The following PAX3 variants were observed in gnomAD, a reference collection of about 807,000 sequenced individuals.
The protein encoded by PAX3 is paired box protein Pax-3.
Under a neutral mutation model 51.6 loss-of-function variants are expected in PAX3, and 14 were observed. The observed-to-expected ratio is 0.27, with a 90% CI of 0.18 to 0.42. The LOEUF (loss-of-function observed/expected upper bound fraction) is 0.42, where lower values mean the gene tolerates loss of function less well. Ranked by LOEUF, PAX3 falls within the 10% of genes least tolerant of loss-of-function variation. The pLI is 1.00. For missense variants in PAX3, 540 were observed against 642.8 expected, an observed-to-expected ratio of 0.84 and a Z score of 1.73; for synonymous variants, 280 against 253.4, an observed-to-expected ratio of 1.11 and a Z score of -1.00.
chr2:222,220,207 C>T lies in PAX3; in HGVS notation c.1106G>A (p.Ser369Asn), dbSNP rs1692134512. The T allele has an allele frequency of 1.2e-6, 2 of 1,613,918 alleles. No individual in the cohort carries two copies. The highest frequency in any genetic ancestry group is 4.5e-5 in the East Asian group (2 of 44,798). The change falls in exon 7 of 9, where the codon AGC becomes AAC. Residue 369 changes from serine (S) to asparagine (N), a missense_variant. Around this residue, in one of 3 missense-constraint regions of PAX3, gnomAD observed 427 missense variants for 483.6 expected, o/e 0.88. Transcript: ENST00000392070. ...GGAGGGCCCCGACGGAGGCACAAAG[C>T]TGTCTGTATAGCTGGAAAATCCATG... ...TRHGFSSYTD[S>N]FVPPSGPSNP...
intron 7 of PAX3, among the ~76,000 whole-genome samples, chr2:222,203,056 T>TATATATATATA (rs3997677): frequency 1.7e-5 from 2 of 114,820 alleles, no homozygotes; most frequent in Non-Finnish European, 3.7e-5. Context: ...TATATATATA[T>TATATATATATA]GAAGTGTTAA....
chr2:222,260,100 C>T (rs1693783802), intron 4 of PAX3, among the ~76,000 whole-genome samples: 1 of 152,126 alleles, frequency 6.6e-6, no homozygotes, highest in Admixed American at 6.5e-5. Flanking sequence ...GCCTGGAACT[C>T]CTGGCCTCAG....
chr2:222,258,270 T>C (rs1000223924), intron 4 of PAX3, among the ~76,000 whole-genome samples: 5 of 151,166 alleles, frequency 3.3e-5, no homozygotes. Context: ...ATCTGCATAG[T>C]GGGAATAATA....
intron 4 of PAX3, chr2:222,293,705 AC>A: frequency 6.2e-7 from 1 of 1,602,578 alleles, no homozygotes; most frequent in Non-Finnish European, 8.5e-7. Context: ...CCAAAAGAGT[AC>A]TCTCTCTCTC....
intron 5 of PAX3, 39 bp downstream of exon 5, chr2:222,232,039 C>A (rs998291504): frequency 6.3e-7 from 1 of 1,582,164 alleles, no homozygotes; most frequent in Non-Finnish European, 8.7e-7. Context: ...TGTTTCCTGT[C>A]TGGACTGAAG....
At chr2:222,252,744 G>A (rs956911592) in intron 4 of PAX3, among the ~76,000 whole-genome samples, 1 of 152,058 alleles carries the variant, frequency 6.6e-6, no homozygotes, top group African/African-American at 2.4e-5. Flanking sequence ...TCTCTGTGAT[G>A]TTACTCAACC....
chr2:222,246,283 T>C (rs766482045), intron 4 of PAX3, among the ~76,000 whole-genome samples: 1 of 152,162 alleles, frequency 6.6e-6, no homozygotes, highest in Admixed American at 6.5e-5. Flanking sequence ...TGGTTTTAAC[T>C]GGAAATCATC....
intron 4 of PAX3, among the ~76,000 whole-genome samples, chr2:222,266,315 T>C (rs2106152733): frequency 6.6e-6 from 1 of 152,252 alleles, no homozygotes; most frequent in East Asian, 1.9e-4. Flanking sequence ...GCCCTACAAA[T>C]AAGATTAACA....
chr2:222,244,734 C>CAAAAAAAAAAAAAAAAAAAAAA (rs35127003), intron 4 of PAX3, among the ~76,000 whole-genome samples: 1 of 109,718 alleles, frequency 9.1e-6, no homozygotes, highest in Admixed American at 9.1e-5. Flanking sequence ...TATTGTTCAC[C>CAAAAAAAAAAAAAAAAAAAAAA]AAAAAAAAAA....
At chr2:222,221,523 G>C in intron 5 of PAX3, 136 bp from the exon 6 acceptor site, 1 of 838,966 alleles carries the variant, frequency 1.2e-6, no homozygotes. Context: ...TGCCTTCTGT[G>C]TTGTTTGGGC....
chr2:222,284,171 C>T (rs1694744271), intron 4 of PAX3, among the ~76,000 whole-genome samples: 3 of 152,190 alleles, frequency 2.0e-5, no homozygotes, highest in African/African-American at 4.8e-5. Context: ...CACACAACCT[C>T]ACGTGCAGAG....
At chr2:222,246,925 A>G (rs1424457137) in intron 4 of PAX3, among the ~76,000 whole-genome samples, 1 of 152,202 alleles carries the variant, frequency 6.6e-6, no homozygotes, top group Admixed American at 6.5e-5. Flanking sequence ...ATGCATTTGG[A>G]TGGCCAGATA....
intron 4 of PAX3, among the ~76,000 whole-genome samples, chr2:222,245,329 A>G (rs1559282126): frequency 6.6e-6 from 1 of 152,228 alleles, no homozygotes; most frequent in East Asian, 1.9e-4. Context: ...GAAAACCTGA[A>G]TATATTTGCT....
intron 4 of PAX3, among the ~76,000 whole-genome samples, chr2:222,282,188 C>G (rs1356979838): frequency 6.6e-6 from 1 of 152,128 alleles, no homozygotes; most frequent in Non-Finnish European, 1.5e-5. Flanking sequence ...CGCTGGCAAT[C>G]ATAGCTCCAG....
intron 5 of PAX3, among the ~76,000 whole-genome samples, chr2:222,231,275 C>A (rs535457005): frequency 6.6e-6 from 1 of 152,312 alleles, no homozygotes; most frequent in South Asian, 2.1e-4. Context: ...GGTGACTTAA[C>A]TTCTAGGGTG....
intron 4 of PAX3, among the ~76,000 whole-genome samples, chr2:222,274,985 T>G (rs900291577): frequency 6.6e-6 from 1 of 152,250 alleles, no homozygotes; most frequent in African/African-American, 2.4e-5. Context: ...TTGATTTGTA[T>G]GGAATTACTC....
intron 7 of PAX3, 89 bp downstream of exon 7, chr2:222,220,051 T>C: frequency 8.9e-7 from 1 of 1,118,128 alleles, no homozygotes; most frequent in African/African-American, 1.5e-5. Flanking sequence ...ATGGTTTAAA[T>C]TTGGCAATTC....
intron 4 of PAX3, among the ~76,000 whole-genome samples, chr2:222,276,523 T>C (rs1301618470): frequency 6.6e-6 from 1 of 152,182 alleles, no homozygotes; most frequent in Non-Finnish European, 1.5e-5. Context: ...CTGTACCTTC[T>C]ACAAGTCTGC....
intron 3 of PAX3, among the ~76,000 whole-genome samples, chr2:222,294,757 C>CG (rs1695196581): frequency 1.2e-5 from 1 of 82,344 alleles, no homozygotes; most frequent in African/African-American, 3.9e-5. Context: ...GACTTGTCCG[C>CG]GCCCCCCCCC....
Sources: allele counts gnomAD v4.1 joint callset (sites outside exome capture counted in the v4.1 genomes callset), GRCh38; gene constraint gnomAD v4.1.1; regional missense constraint gnomAD v4.1.1; transcripts MANE v1.5; gene names NCBI Gene and HGNC (gene_info 2026-07-23, HGNC 2026-07-21).